The following FUT8 variants were observed in gnomAD, a reference collection of about 807,000 sequenced individuals.
The protein encoded by FUT8 is fucosyltransferase 8, also known as alpha-(1,6)-fucosyltransferase.
Under a neutral mutation model 71.3 loss-of-function variants are expected in FUT8, and 29 were observed. The ratio of observed to expected loss-of-function variants is 0.41; its 90% CI spans 0.30 to 0.55. FUT8 has a LOEUF of 0.55. FUT8 is among the 20% of genes least tolerant of loss of function. The probability of loss-of-function intolerance (pLI) is 0.34; values close to 1 mark genes in which losing one functional copy is unlikely to be tolerated. For synonymous variants in FUT8, 254 were observed against 239.3 expected (o/e 1.06, Z -0.57); for missense variants, 544 against 702.1 (o/e 0.77, Z 2.55).
At chr14:65,422,984 CTTTTTTT>C (rs34536679) in intron 1 of FUT8, among the ~76,000 whole-genome samples, 6 of 127,424 alleles carry the variant, frequency 4.7e-5, no homozygotes, top group African/African-American at 1.5e-4. Flanking sequence ...TTCTTTCTTT[CTTTTTTT>C]TTTTTTTTTT....
chr14:65,370,590 T>C, the FUT8 span, among the ~76,000 whole-genome samples: 4 of 149,944 alleles, frequency 2.7e-5, no homozygotes, highest in African/African-American at 9.7e-5. Context: ...AACAAAAATA[T>C]ATATAAGTAT....
the FUT8 span, among the ~76,000 whole-genome samples, chr14:65,385,894 G>A: frequency 9.0e-3 from 1,368 of 151,768 alleles, 18 homozygotes; most frequent in African/African-American, 0.031. Flanking sequence ...GCTCATGCCT[G>A]TAATCCCAGC....
At chr14:65,622,419 C>T (rs1406359559) in intron 5 of FUT8, among the ~76,000 whole-genome samples, 1 of 152,114 alleles carries the variant, frequency 6.6e-6, no homozygotes, top group Non-Finnish European at 1.5e-5. Flanking sequence ...ACTCTTAGAC[C>T]CTGCAGAGCT....
At chr14:65,592,486 T>C (rs78692660) in intron 3 of FUT8, among the ~76,000 whole-genome samples, 79 of 152,204 alleles carry the variant, frequency 5.2e-4, no homozygotes, top group African/African-American at 1.8e-3. Context: ...GATAGATAGA[T>C]ATATTAAAGG....
chr14:65,629,454 C>G, intron 5 of FUT8, 38 bp from the exon 6 acceptor site: 1 of 1,333,008 alleles, frequency 7.5e-7, no homozygotes, highest in Non-Finnish European at 1.1e-6. Flanking sequence ...TGAAGCAGTA[C>G]AGACAAGTTC....
intron 7 of FUT8, among the ~76,000 whole-genome samples, chr14:65,703,040 C>T (rs959762406): frequency 3.9e-5 from 6 of 152,176 alleles, no homozygotes; most frequent in South Asian, 2.1e-4. Flanking sequence ...CCACTGCGCC[C>T]GGCCTAGGGT....
chr14:65,392,818 C>T, the FUT8 span, among the ~76,000 whole-genome samples: 1 of 152,106 alleles, frequency 6.6e-6, no homozygotes. Flanking sequence ...AAAAAGGGGC[C>T]CACTGTTAGT....
intron 7 of FUT8, among the ~76,000 whole-genome samples, chr14:65,677,036 TC>T (rs1175857536): frequency 6.6e-6 from 1 of 151,982 alleles, no homozygotes; most frequent in Non-Finnish European, 1.5e-5. Flanking sequence ...CATATTTTTT[TC>T]CCTCCAAAAG....
the FUT8 span, among the ~76,000 whole-genome samples, chr14:65,369,533 GC>G: frequency 0.021 from 3,195 of 152,254 alleles, 49 homozygotes; most frequent in Non-Finnish European, 0.034. This position sits in a 1 kb window ranked among gnomAD's most constrained non-coding sequence, Gnocchi z 4.6. Flanking sequence ...CAAAGACCCT[GC>G]TGATAAAAGG....
At chr14:65,500,615 AG>A (rs1403160106) in intron 2 of FUT8, among the ~76,000 whole-genome samples, 2 of 152,196 alleles carry the variant, frequency 1.3e-5, no homozygotes, top group Non-Finnish European at 2.9e-5. Flanking sequence ...CTAGACTAAA[AG>A]GTTTGACTGT....
chr14:65,366,496 A>G, the FUT8 span, among the ~76,000 whole-genome samples: 1 of 152,148 alleles, frequency 6.6e-6, no homozygotes, highest in Non-Finnish European at 1.5e-5. Context: ...TTTGATCACA[A>G]TGACATTATA....
At chr14:65,667,633 A>G (rs1892281918) in intron 6 of FUT8, among the ~76,000 whole-genome samples, 1 of 152,188 alleles carries the variant, frequency 6.6e-6, no homozygotes, top group Admixed American at 6.5e-5. Flanking sequence ...TATTCCCATC[A>G]AACTACCGAT....
intron 2 of FUT8, among the ~76,000 whole-genome samples, chr14:65,505,672 G>A (rs564000913): frequency 6.6e-6 from 1 of 152,128 alleles, no homozygotes; most frequent in South Asian, 2.1e-4. Context: ...TTTCAGGAAT[G>A]TATTTTGTAT....
At chr14:65,602,343 T>TCTCACA (rs1274156755) in intron 3 of FUT8, among the ~76,000 whole-genome samples, 2 of 48,460 alleles carry the variant, frequency 4.1e-5, no homozygotes, top group Non-Finnish European at 4.0e-5. Flanking sequence ...GTTCCATCTC[T>TCTCACA]CACACACACA....
chr14:65,421,384 T>C (rs1167529122), intron 1 of FUT8, among the ~76,000 whole-genome samples: 3 of 151,986 alleles, frequency 2.0e-5, no homozygotes, highest in Admixed American at 6.6e-5. Context: ...AGGGGAGGCG[T>C]GAGAGGCAGG....
At chr14:65,415,326 T>TA (rs2065202996) in intron 1 of FUT8, among the ~76,000 whole-genome samples, 1 of 152,214 alleles carries the variant, frequency 6.6e-6, no homozygotes, top group African/African-American at 2.4e-5. Flanking sequence ...TGTACATAGT[T>TA]ATTTGTGGAG....
At chr14:65,501,650 A>C (rs540767142) in intron 2 of FUT8, among the ~76,000 whole-genome samples, 33 of 152,206 alleles carry the variant, frequency 2.2e-4, no homozygotes, top group Admixed American at 6.5e-4. Context: ...TCAGTATTAC[A>C]AAGATGAGTA....
chr14:65,499,145 G>T (rs1321857465), intron 2 of FUT8, among the ~76,000 whole-genome samples: 1 of 152,106 alleles, frequency 6.6e-6, no homozygotes, highest in East Asian at 1.9e-4. Context: ...AAACTCCTAG[G>T]CTCAAGTGAT....
rs1473578734 is a variant in FUT8 at position 65,467,443 on chromosome 14, G to A, written c.-228+11725G>A. On this transcript the variant is annotated intron_variant, in intron 2 of 10. Coordinates refer to ENST00000673929, the MANE Select transcript of FUT8 (RefSeq NM_001371533.1). The surrounding 1 kb of genome is among the most constrained non-coding windows in gnomAD (Gnocchi z 4.1). Reference sequence around the variant, plus strand: ...CTCCTAAGTAGCTGGGACTACAGGTGCGCACCACCACACCTGGCTAATTTT... The same window carrying A: ...CTCCTAAGTAGCTGGGACTACAGGTACGCACCACCACACCTGGCTAATTTT... Among the ~76,000 whole-genome samples, 1 of 151,488 alleles carries A rather than the reference G, an allele frequency of 6.6e-6. No homozygotes were observed. The highest frequency in any genetic ancestry group is 2.4e-5 in the African/African-American group (1 of 41,206).
Sources: gnomAD v4.1 joint callset for allele counts (sites outside exome capture counted in the v4.1 genomes callset) on GRCh38, gnomAD v4.1.1 for gene constraint, Gnocchi (gnomAD v3.1) non-coding constraint, MANE v1.5 for transcripts, NCBI Gene and HGNC (gene_info 2026-07-23, HGNC 2026-07-21) for gene names.